Variants in ITPR2 observed in about 807,000 individuals in gnomAD.
The protein encoded by ITPR2 is inositol 1,4,5-trisphosphate receptor type 2.
ITPR2 carries 207 observed loss-of-function variants against 317.1 expected under a neutral mutation model. The ratio of observed to expected loss-of-function variants is 0.65; its 90% confidence interval spans 0.58 to 0.73. ITPR2 has a LOEUF of 0.73. Ranked by LOEUF, ITPR2 falls within the 30% of genes least tolerant of loss-of-function variation. ITPR2 has a pLI of 0.00. For synonymous variants in ITPR2, 1,156 were observed against 1,149.1 expected (o/e 1.01, Z -0.12); for missense variants, 2,613 against 3,284.0 (o/e 0.80, Z 4.99).
At chr12:26,607,371 T>C (rs773595438) in intron 26 of ITPR2, among the ~76,000 whole-genome samples, 1 of 152,236 alleles carries the variant, frequency 6.6e-6, no homozygotes. Flanking sequence ...TTATAGATTA[T>C]AATGTAGTTG....
intron 5 of ITPR2, among the ~76,000 whole-genome samples, chr12:26,719,731 C>T (rs1264164203): frequency 6.6e-6 from 1 of 152,086 alleles, no homozygotes; most frequent in African/African-American, 2.4e-5. Flanking sequence ...TTAGGTATAT[C>T]TCCTAATGCT....
intron 24 of ITPR2, among the ~76,000 whole-genome samples, chr12:26,622,610 G>A (rs1946525786): frequency 6.6e-6 from 1 of 152,166 alleles, no homozygotes; most frequent in South Asian, 2.1e-4. Flanking sequence ...ATGAAAGCAG[G>A]GGTGATCAAA....
At chr12:26,389,131 C>A (rs571473229) in intron 54 of ITPR2, among the ~76,000 whole-genome samples, 4 of 152,242 alleles carry the variant, frequency 2.6e-5, no homozygotes, top group Non-Finnish European at 5.9e-5. Context: ...CTCCCAGGCC[C>A]CCCTGTTTCC....
intron 26 of ITPR2, among the ~76,000 whole-genome samples, chr12:26,612,729 C>G (rs918274234): frequency 3.9e-5 from 6 of 152,222 alleles, no homozygotes; most frequent in African/African-American, 1.4e-4. Context: ...CCCAACCCAG[C>G]CTCTTGCTCT....
intron 32 of ITPR2, among the ~76,000 whole-genome samples, chr12:26,591,386 A>C (rs1037223245): frequency 6.6e-6 from 1 of 152,262 alleles, no homozygotes; most frequent in African/African-American, 2.4e-5. Flanking sequence ...ACAATGAGAT[A>C]TCATCTCACC....
intron 2 of ITPR2, among the ~76,000 whole-genome samples, chr12:26,784,958 CTGTCTGGG>C (rs1950192259): frequency 6.9e-4 from 2 of 2,910 alleles, no homozygotes; most frequent in Admixed American, 3.4e-3. Context: ...CCCCGCCGCC[CTGTCTGGG>C]ATGTGAGGAG....
chr12:26,738,347 G>A (rs568309826), intron 2 of ITPR2, among the ~76,000 whole-genome samples: 28 of 152,140 alleles, frequency 1.8e-4, no homozygotes, highest in Admixed American at 1.3e-4. Context: ...GGATGTGGGA[G>A]GAAAGGTAGG....
chr12:26,494,375 T>A, intron 38 of ITPR2, 35 bp from the exon 39 acceptor site: 1 of 1,364,564 alleles, frequency 7.3e-7, no homozygotes, highest in Non-Finnish European at 1.0e-6. Context: ...TAAACCTTAA[T>A]TGTAGACATT....
chr12:26,644,128 A>G lies in ITPR2; in HGVS notation c.2740+9848T>C, dbSNP rs578193697. Reference sequence around the variant, plus strand: ...TTATCAGGGATGCCCCTCCCATCACAGGCCCAGAATATAAGGAGCTAGCGG... The same window carrying G: ...TTATCAGGGATGCCCCTCCCATCACGGGCCCAGAATATAAGGAGCTAGCGG... On this transcript the variant is annotated intron_variant, in intron 21 of 56. Transcript: ENST00000381340. Among the ~76,000 whole-genome samples, 10 of 152,340 alleles carry G rather than the reference A, an allele frequency of 6.6e-5. No homozygotes were observed. The East Asian group carries it at 1.7e-3, about 26-fold the overall frequency.
At chr12:26,704,560 A>G (rs1948514977) in intron 9 of ITPR2, among the ~76,000 whole-genome samples, 1 of 152,102 alleles carries the variant, frequency 6.6e-6, no homozygotes, top group Non-Finnish European at 1.5e-5. Context: ...GCCCCTATAT[A>G]CTTACCCTCC....
At chr12:26,782,954 G>T (rs756725543) in intron 2 of ITPR2, among the ~76,000 whole-genome samples, 1 of 152,130 alleles carries the variant, frequency 6.6e-6, no homozygotes. Flanking sequence ...TGACATGTTC[G>T]ACTGCATAAA....
At chr12:26,528,792 TC>T (rs1436062494) in intron 37 of ITPR2, among the ~76,000 whole-genome samples, 4 of 152,208 alleles carry the variant, frequency 2.6e-5, no homozygotes. Flanking sequence ...CTAATTCAGT[TC>T]TGTACTGAAC....
intron 21 of ITPR2, among the ~76,000 whole-genome samples, chr12:26,642,651 C>T (rs958769680): frequency 2.6e-5 from 4 of 152,150 alleles, no homozygotes; most frequent in African/African-American, 4.8e-5. Flanking sequence ...AGAGGTGCAG[C>T]CAGCATAGCA....
intron 48 of ITPR2, among the ~76,000 whole-genome samples, chr12:26,434,058 T>C (rs149693002): frequency 1.8e-4 from 27 of 152,302 alleles, no homozygotes; most frequent in Admixed American, 8.5e-4. Flanking sequence ...GATACATATA[T>C]AAAGTATTAA....
intron 11 of ITPR2, among the ~76,000 whole-genome samples, chr12:26,684,466 T>C (rs1948090542): frequency 6.6e-6 from 1 of 152,206 alleles, no homozygotes; most frequent in Non-Finnish European, 1.5e-5. Flanking sequence ...TCCTGATCTG[T>C]AAGAGTTACT....
chr12:26,419,125 G>A lies in ITPR2; in HGVS notation c.7034C>T (p.Ala2345Val), dbSNP rs1270453050. 1 of 1,613,822 alleles carries A rather than the reference G, an allele frequency of 6.2e-7. No homozygotes were observed. The highest frequency in any genetic ancestry group is 1.6e-4 in the Middle Eastern group (1 of 6,062). Residue 2345 changes from alanine (A) to valine (V), a missense_variant, in exon 50 of 57, where the codon GCC (alanine) becomes GTC (valine). This residue lies in a region of ITPR2 where 78 missense variants were observed against 110.3 expected (regional missense o/e 0.71). Coordinates refer to ENST00000381340, the MANE Select transcript of ITPR2 (RefSeq NM_002223.4). ...GACATACGCCACGTGATAGAGAAAG[G>A]CCATATCCAGGATGACTGCTCGGTA... ...RGYRAVILDM[A>V]FLYHVAYVLV...
At chr12:26,344,483 A>T (rs1220540735) in intron 55 of ITPR2, among the ~76,000 whole-genome samples, 1 of 152,208 alleles carries the variant, frequency 6.6e-6, no homozygotes, top group African/African-American at 2.4e-5. Flanking sequence ...TGCAACTCTC[A>T]CAGATAGTGT....
chr12:26,721,612 C>A (rs2137043092), intron 5 of ITPR2, among the ~76,000 whole-genome samples: 1 of 152,246 alleles, frequency 6.6e-6, no homozygotes, highest in African/African-American at 2.4e-5. Context: ...TGAGCATCGT[C>A]CATGTGCTAA....
chr12:26,816,160 A>G (rs950123242), intron 1 of ITPR2, among the ~76,000 whole-genome samples: 5 of 151,754 alleles, frequency 3.3e-5, no homozygotes, highest in African/African-American at 1.2e-4. Flanking sequence ...AGAACTTTTT[A>G]ACATCAATGT....
Sources: gnomAD v4.1 joint callset for allele counts (sites outside exome capture counted in the v4.1 genomes callset) on GRCh38, gnomAD v4.1.1 for gene constraint, gnomAD v4.1.1 regional missense constraint, MANE v1.5 for transcripts, NCBI Gene and HGNC (gene_info 2026-07-23, HGNC 2026-07-21) for gene names.